Variants in UVRAG observed in about 807,000 individuals in gnomAD.
The protein encoded by UVRAG is UV radiation resistance associated.
Under a neutral mutation model 78.0 loss-of-function variants are expected in UVRAG, and 19 were observed. That is an observed-to-expected ratio of 0.24 (90% confidence interval 0.17 to 0.36). The LOEUF is 0.36. Among genes scored for constraint, UVRAG ranks in the 10% least tolerant of loss-of-function variants. The pLI is 1.00. For synonymous variants in UVRAG, 323 were observed against 324.6 expected (o/e 1.00, Z 0.05); for missense variants, 740 against 853.8 (o/e 0.87, Z 1.66).
intron 6 of UVRAG, among the ~76,000 whole-genome samples, chr11:75,948,156 T>A (rs1948617822): frequency 6.6e-6 from 1 of 152,194 alleles, no homozygotes; most frequent in Non-Finnish European, 1.5e-5. Context: ...GGTTTTTTTC[T>A]TTTGTATAAA....
intron 14 of UVRAG, among the ~76,000 whole-genome samples, chr11:76,117,471 AT>A (rs1410188117): frequency 1.3e-5 from 2 of 152,204 alleles, no homozygotes; most frequent in African/African-American, 4.8e-5. Context: ...CTAGCCATCG[AT>A]TAGTATGACA....
At chr11:76,115,861 T>C (rs978162209) in intron 13 of UVRAG, 63 bp from the exon 14 acceptor site, 1 of 1,463,312 alleles carries the variant, frequency 6.8e-7, no homozygotes, top group African/African-American at 1.4e-5. Flanking sequence ...TGTTTAGTGG[T>C]TCATTTTTCC....
chr11:76,086,510 TC>T (rs1439768221), intron 13 of UVRAG, among the ~76,000 whole-genome samples: 2 of 152,222 alleles, frequency 1.3e-5, no homozygotes, highest in Non-Finnish European at 2.9e-5. Flanking sequence ...TTTAATGTGT[TC>T]CCAGATCTTT....
At chr11:75,859,926 A>G (rs1452196397) in intron 2 of UVRAG, among the ~76,000 whole-genome samples, 1 of 152,162 alleles carries the variant, frequency 6.6e-6, no homozygotes, top group Non-Finnish European at 1.5e-5. Context: ...TGTTTGATTT[A>G]TTCAGCCAGG....
chr11:76,096,010 A>G (rs1411403355), intron 13 of UVRAG, among the ~76,000 whole-genome samples: 1 of 152,228 alleles, frequency 6.6e-6, no homozygotes, highest in Non-Finnish European at 1.5e-5. Flanking sequence ...AAGGCAGTAG[A>G]GAATGACCAG....
chr11:76,098,765 ATTTATGCTGATTT>A (rs1490146571), intron 13 of UVRAG, among the ~76,000 whole-genome samples: 4 of 152,134 alleles, frequency 2.6e-5, no homozygotes, highest in African/African-American at 9.7e-5. Flanking sequence ...CCTAAAACAA[ATTTATGCTGATTT>A]TTTTCGTACC....
At chr11:76,066,064 G>T (rs551154327) in intron 13 of UVRAG, among the ~76,000 whole-genome samples, 3 of 152,156 alleles carry the variant, frequency 2.0e-5, no homozygotes, top group Non-Finnish European at 4.4e-5. Flanking sequence ...ATACTTCGAT[G>T]TGTGGGCTTC....
intron 6 of UVRAG, among the ~76,000 whole-genome samples, chr11:75,939,670 G>A (rs567883630): frequency 1.3e-4 from 20 of 152,268 alleles, no homozygotes; most frequent in Non-Finnish European, 1.9e-4. Context: ...TTGCTTATCA[G>A]TGATTAAAAG....
chr11:75,999,934 A>G (rs753730890), intron 8 of UVRAG, among the ~76,000 whole-genome samples: 1 of 152,160 alleles, frequency 6.6e-6, no homozygotes, highest in Admixed American at 6.5e-5. Flanking sequence ...CATCCCAAGC[A>G]TTTCGGATAA....
chr11:76,083,325 C>G (rs1331911140), intron 13 of UVRAG, among the ~76,000 whole-genome samples: 4 of 151,808 alleles, frequency 2.6e-5, no homozygotes, highest in Middle Eastern at 3.4e-3. Flanking sequence ...TTTTCTCCTT[C>G]ATGTTATAAA....
intron 12 of UVRAG, among the ~76,000 whole-genome samples, chr11:76,051,784 G>A (rs1950873736): frequency 6.6e-6 from 1 of 151,932 alleles, no homozygotes; most frequent in Non-Finnish European, 1.5e-5. Flanking sequence ...ACCTCTTTTG[G>A]TTGGCACATA....
At chr11:75,990,413 G>A (rs1327693731) in intron 8 of UVRAG, among the ~76,000 whole-genome samples, 1 of 152,148 alleles carries the variant, frequency 6.6e-6, no homozygotes, top group African/African-American at 2.4e-5. Context: ...GCAAGAATAT[G>A]TATAATATGA....
chr11:76,011,532 C>T (rs1024423861), intron 11 of UVRAG, among the ~76,000 whole-genome samples: 14 of 152,188 alleles, frequency 9.2e-5, no homozygotes, highest in Admixed American at 5.9e-4. Flanking sequence ...GGCTGAGGCA[C>T]GAGAATCACT....
intron 6 of UVRAG, among the ~76,000 whole-genome samples, chr11:75,932,288 T>TATTG (rs1342789392): frequency 4.3e-4 from 65 of 151,450 alleles, no homozygotes; most frequent in African/African-American, 1.6e-3. Context: ...TTTATTTATT[T>TATTG]ATTTATTTAT....
intron 1 of UVRAG, among the ~76,000 whole-genome samples, chr11:75,841,673 G>A (rs775090873): frequency 3.9e-5 from 6 of 152,106 alleles, no homozygotes; most frequent in Non-Finnish European, 5.9e-5. Flanking sequence ...GAAATGCTTG[G>A]TAAAATTTTA....
At chr11:75,827,686 T>C (rs1178569786) in intron 1 of UVRAG, among the ~76,000 whole-genome samples, 2 of 152,214 alleles carry the variant, frequency 1.3e-5, no homozygotes, top group Non-Finnish European at 2.9e-5. Flanking sequence ...ATTTATTCAA[T>C]AGATACTTTT....
intron 3 of UVRAG, among the ~76,000 whole-genome samples, chr11:75,865,503 C>T (rs1565352165): frequency 6.6e-6 from 1 of 152,106 alleles, no homozygotes; most frequent in Non-Finnish European, 1.5e-5. Context: ...AAATGTGGTT[C>T]AGTCCTACTG....
chr11:76,082,876 A>G (rs918592412), intron 13 of UVRAG, among the ~76,000 whole-genome samples: 1 of 152,028 alleles, frequency 6.6e-6, no homozygotes, highest in African/African-American at 2.4e-5. Context: ...CTAAAAATGC[A>G]AAAAAATCCT....
intron 12 of UVRAG, among the ~76,000 whole-genome samples, chr11:76,028,915 A>C (rs775876220): frequency 6.6e-6 from 1 of 152,186 alleles, no homozygotes; most frequent in Non-Finnish European, 1.5e-5. Context: ...CAAGGTAGAC[A>C]AAAATAGCCT....
Sources: gnomAD v4.1 joint callset for allele counts (sites outside exome capture counted in the v4.1 genomes callset) on GRCh38, gnomAD v4.1.1 for gene constraint, MANE v1.5 for transcripts, NCBI Gene and HGNC (gene_info 2026-07-23, HGNC 2026-07-21) for gene names.